UPF1: variants seen among roughly 807,000 people sequenced by gnomAD.
The protein encoded by UPF1 is regulator of nonsense transcripts 1.
UPF1 carries 9 observed loss-of-function variants against 129.2 expected under a neutral mutation model. The observed-to-expected ratio is 0.07, with a 90% CI of 0.04 to 0.12. The LOEUF is 0.12. Ranked by LOEUF, UPF1 falls within the 10% of genes least tolerant of loss-of-function variation. The probability of loss-of-function intolerance (pLI) is 1.00; values close to 1 mark genes in which losing one functional copy is unlikely to be tolerated. For missense variants in UPF1, 788 were observed against 1,525.3 expected, an observed-to-expected ratio of 0.52 and a Z score of 8.05; for synonymous variants, 649 against 644.9, an observed-to-expected ratio of 1.01 and a Z score of -0.10.
At chr19:18,854,316 G>A (rs933608254) in intron 8 of UPF1, among the ~76,000 whole-genome samples, 2 of 152,208 alleles carry the variant, frequency 1.3e-5, no homozygotes, top group Non-Finnish European at 2.9e-5. Flanking sequence ...CGCCCTCTGC[G>A]TCTCTGAAAG....
intron 3 of UPF1, chr19:18,849,104 C>T (rs2055630432): frequency 6.6e-6 from 1 of 152,326 alleles, no homozygotes; most frequent in Non-Finnish European, 1.5e-5. Flanking sequence ...GACACGGAGA[C>T]AGCTGATTCT....
At chr19:18,860,771 T>C in intron 16 of UPF1, 55 bp from the exon 17 acceptor site, 2 of 1,601,834 alleles carry the variant, frequency 1.2e-6, no homozygotes, top group Non-Finnish European at 1.7e-6. Context: ...GCCTCCAGCC[T>C]CAGGGCTCGG....
At chr19:18,849,630 T>G (rs548244464) in intron 3 of UPF1, among the ~76,000 whole-genome samples, 1 of 152,230 alleles carries the variant, frequency 6.6e-6, no homozygotes, top group Non-Finnish European at 1.5e-5. Flanking sequence ...GAGGGACTGT[T>G]GCTCCTGGAA....
chr19:18,860,574 A>C, intron 16 of UPF1, 136 bp downstream of exon 16: 1 of 976,310 alleles, frequency 1.0e-6, no homozygotes, highest in South Asian at 1.5e-5. Flanking sequence ...TTTAGACTCT[A>C]AACCGTGTTG....
chr19:18,858,654 C>T (rs557901311), intron 15 of UPF1, among the ~76,000 whole-genome samples: 150 of 152,184 alleles, frequency 9.9e-4, no homozygotes, highest in African/African-American at 3.5e-3. Context: ...GGCTTCCCCA[C>T]AGCGTCCCCA....
intron 15 of UPF1, 171 bp from the exon 16 acceptor site, chr19:18,860,150 C>G: frequency 1.4e-6 from 1 of 692,044 alleles, no homozygotes; most frequent in Non-Finnish European, 2.5e-6. Flanking sequence ...CAATCCTGGG[C>G]ATCTCTGGCC....
At chr19:18,845,924 T>C in intron 1 of UPF1, 56 bp from the exon 2 acceptor site, 1 of 1,595,324 alleles carries the variant, frequency 6.3e-7, no homozygotes, top group Non-Finnish European at 8.5e-7. Flanking sequence ...CTGGTTCTTC[T>C]GCACTGAGTC....
intron 19 of UPF1, among the ~76,000 whole-genome samples, chr19:18,863,876 C>T (rs1012969747): frequency 6.6e-6 from 1 of 152,160 alleles, no homozygotes; most frequent in Non-Finnish European, 1.5e-5. Flanking sequence ...AGCCTGGGAC[C>T]TTGGACACGG....
intron 3 of UPF1, 119 bp from the exon 4 acceptor site, chr19:18,849,956 G>T (rs535158510): frequency 1.8e-5 from 24 of 1,305,632 alleles, no homozygotes; most frequent in Middle Eastern, 3.8e-4. Context: ...TGGATGAGGT[G>T]TGACTGCCTC....
chr19:18,866,056 G>A lies in UPF1; in HGVS notation c.3250G>A (p.Gly1084Ser). ...CCTTGTCTTTCAGGACAGTTACCTT[G>A]GTGACGAGTTTAAATCACAAATCGA... ...QPELSQDSYL[G>S]DEFKSQIDVA... is the part of the protein sequence containing the mutation. The change falls in exon 23 of 24, where the codon GGT becomes AGT. Residue 1084 changes from glycine to serine, a missense_variant. Around this residue, in one of 6 missense-constraint regions of UPF1, gnomAD observed 218 missense variants for 318.1 expected, o/e 0.69. Transcript: ENST00000262803. 6.2e-7 allele frequency: 1 copy of A among 1,613,608 alleles called. No homozygotes were observed. The highest frequency in any genetic ancestry group is 8.5e-7 in the Non-Finnish European group (1 of 1,179,934).
chr19:18,856,313 C>A lies in UPF1; in HGVS notation c.1824+13C>A, dbSNP rs755521312. On this transcript the variant is annotated intron_variant, in intron 13 of 23. Coordinates refer to ENST00000262803, the MANE Select transcript of UPF1 (RefSeq NM_002911.4). ...AGAGCTGCTGATGGTGAGTGCCCCT[C>A]CTGCCTGCAAAAGGGCCTGTGGGCT... is the stretch of plus-strand genomic sequence containing the variant. 3 of 1,584,464 alleles carry A rather than the reference C, an allele frequency of 1.9e-6. No homozygotes were observed. Among genetic ancestry groups the A allele is most frequent in the Non-Finnish European group, 2.6e-6 (3 of 1,157,064 alleles).
At chr19:18,834,335 T>G (rs2055460886) in intron 1 of UPF1, among the ~76,000 whole-genome samples, 1 of 152,200 alleles carries the variant, frequency 6.6e-6, no homozygotes, top group East Asian at 1.9e-4. Flanking sequence ...TGAATCCTTT[T>G]AACTGTAGCG....
At chr19:18,861,056 C>A (rs372935424) in intron 17 of UPF1, 74 bp downstream of exon 17, 2 of 1,483,942 alleles carry the variant, frequency 1.3e-6, no homozygotes, top group Non-Finnish European at 1.8e-6. Flanking sequence ...TTAAGTTACC[C>A]CCCAAGAGGG....
intron 2 of UPF1, among the ~76,000 whole-genome samples, chr19:18,846,362 T>G (rs1401696810): frequency 1.3e-5 from 2 of 152,144 alleles, no homozygotes; most frequent in Non-Finnish European, 2.9e-5. Flanking sequence ...AAAGTTTTCC[T>G]TCCTTTGGCC....
chr19:18,852,615 C>T (rs982028577), intron 6 of UPF1, among the ~76,000 whole-genome samples: 2 of 151,988 alleles, frequency 1.3e-5, no homozygotes, highest in African/African-American at 4.8e-5. Context: ...GCAACGGGAG[C>T]CCTGGAGCGC....
intron 1 of UPF1, among the ~76,000 whole-genome samples, chr19:18,845,675 TG>T (rs2055589124): frequency 6.6e-6 from 1 of 152,120 alleles, no homozygotes; most frequent in African/African-American, 2.4e-5. Flanking sequence ...CTGCTCCTTG[TG>T]GTCCTCAGTC....
In UPF1 at chr19:18,850,271, G is replaced by A. The variant is rs748648184; in HGVS notation, c.629+29G>A. 3.9e-6 allele frequency: 6 copies of A among 1,557,180 alleles called. No individual in the cohort carries two copies. In the East Asian group the frequency reaches 9.1e-5, roughly 24 times the overall value. On this transcript the variant is annotated intron_variant, in intron 4 of 23. Coordinates refer to ENST00000262803, the MANE Select transcript of UPF1 (RefSeq NM_002911.4). This position sits in a 1 kb window ranked among gnomAD's most constrained non-coding sequence, Gnocchi z 7.1. ...AGTGGTCCCCAGATGTCTCCTGGGG[G>A]TGACCTTTAAGCTCCAGCCGTCTCC...
Position 18,841,013 on chromosome 19 carries a change from C to T in UPF1, c.232-4967C>T, listed in dbSNP as rs540954960. ...AGAGCGAGTGCAGGCTCCTGGCGGC[C>T]CTGGGAGAGGGGGTTGCAGATCCCA... On this transcript the variant is annotated intron_variant, in intron 1 of 23. Coordinates refer to ENST00000262803, the MANE Select transcript of UPF1 (RefSeq NM_002911.4). Among the ~76,000 whole-genome samples, 6 of 152,322 alleles carry T rather than the reference C, an allele frequency of 3.9e-5. No individual in the cohort carries two copies. In the East Asian group the frequency reaches 1.2e-3, roughly 29 times the overall value.
At chr19:18,866,229 T>C (rs899459310) in intron 23 of UPF1, 63 bp downstream of exon 23, 4 of 1,492,776 alleles carry the variant, frequency 2.7e-6, no homozygotes, top group Non-Finnish European at 3.6e-6. Flanking sequence ...GGGAGGGGGC[T>C]CTCCCCAGGG....
Sources: allele counts gnomAD v4.1 joint callset (sites outside exome capture counted in the v4.1 genomes callset), GRCh38; gene constraint gnomAD v4.1.1; regional missense constraint gnomAD v4.1.1; non-coding constraint Gnocchi (gnomAD v3.1); transcripts MANE v1.5; gene names NCBI Gene and HGNC (gene_info 2026-07-23, HGNC 2026-07-21).